The following NACC2 variants were observed in gnomAD, a reference collection of about 807,000 sequenced individuals.
The protein encoded by NACC2 is NACC family member 2, also known as nucleus accumbens-associated protein 2.
In NACC2, 8 loss-of-function variants were observed where a neutral mutation model predicts 25.1. The observed-to-expected ratio is 0.32, with a 90% CI of 0.19 to 0.57. The LOEUF is 0.57. Ranked by LOEUF, NACC2 falls within the 20% of genes least tolerant of loss-of-function variation. NACC2 has a pLI of 0.89. For synonymous variants in NACC2, 435 were observed against 294.7 expected (o/e 1.48, Z -4.88); for missense variants, 644 against 650.2 (o/e 0.99, Z 0.10).
chr9:136,012,052 G>A (rs1163577038), intron 5 of NACC2, 28 bp from the exon 6 acceptor site: 1 of 1,490,114 alleles, frequency 6.7e-7, no homozygotes, highest in South Asian at 1.3e-5. Flanking sequence ...CGTGAGCTCA[G>A]CCACCTGCCT....
chr9:136,091,312 C>G (rs570694565), intron 1 of NACC2, among the ~76,000 whole-genome samples: 1 of 152,238 alleles, frequency 6.6e-6, no homozygotes, highest in Non-Finnish European at 1.5e-5. Flanking sequence ...TGTAGCAGGA[C>G]GGCCTCAGGG....
chr9:136,040,480 A>G (rs1794357106), intron 2 of NACC2, among the ~76,000 whole-genome samples: 1 of 152,222 alleles, frequency 6.6e-6, no homozygotes, highest in African/African-American at 2.4e-5. Context: ...AAAAATATGT[A>G]ACATCAGCAA....
Position 136,049,903 on chromosome 9 carries a change from C to G in NACC2, c.619G>C (p.Ala207Pro), listed in dbSNP as rs1369373674. 1.7e-6 allele frequency: 1 copy of G among 580,430 alleles called. No individual in the cohort carries two copies. Among genetic ancestry groups the G allele is most frequent in the South Asian group, 2.0e-5 (1 of 49,922 alleles). 36.0% of individuals were successfully genotyped at this position (580,430 alleles called of 1,614,324 possible). A position where few individuals can be genotyped will look rare whatever the true frequency, so the allele number is the denominator to read the frequency against. ...PRDGVAVAAG[A>P]AVAAGTAPLK... ...GGGGCTGTGCCCGCCGCCACCGCAG[C>G]CCCCGCGGCCACCGCCACGCCGTCC... The change falls in exon 2 of 6, where the codon GCT (alanine) becomes CCT (proline). Residue 207 changes from alanine (A) to proline (P), a missense_variant. Coordinates refer to ENST00000277554, the MANE Select transcript of NACC2 (RefSeq NM_144653.5).
intron 1 of NACC2, among the ~76,000 whole-genome samples, 161 bp downstream of exon 1, chr9:136,095,028 G>A (rs1362185866): frequency 1.4e-5 from 2 of 145,976 alleles, no homozygotes; most frequent in Non-Finnish European, 3.0e-5. Flanking sequence ...GGGCCGGCGC[G>A]GAACTCGGCC....
intron 1 of NACC2, among the ~76,000 whole-genome samples, chr9:136,088,215 A>G (rs1161747512): frequency 1.3e-5 from 2 of 152,124 alleles, no homozygotes; most frequent in Non-Finnish European, 2.9e-5. Flanking sequence ...GCTCCCTTCC[A>G]GTGGGACGGA....
Position 136,095,261 on chromosome 9 carries a change from C to A in NACC2, c.-132G>T. ...CCGCGGCAGGAAGTGCTTGGCGTCC[C>A]GGCGCTCCGGCTCCCATGGACTTTC... On this transcript the variant is annotated 5_prime_UTR_variant, in exon 1 of 6. Transcript: ENST00000277554. 1 of 147,628 alleles carries A rather than the reference C, an allele frequency of 6.8e-6. No individual in the cohort carries two copies. Among genetic ancestry groups the A allele is most frequent in the South Asian group, 2.1e-4 (1 of 4,830 alleles). The allele number at this position is 147,628 out of a possible 1,614,324, so 9.1% of individuals were successfully genotyped here.
chr9:136,069,092 G>A (rs980293445), intron 1 of NACC2, among the ~76,000 whole-genome samples: 1 of 151,310 alleles, frequency 6.6e-6, no homozygotes, highest in Non-Finnish European at 1.5e-5. Context: ...ATTTTTAGTA[G>A]AGACGGGGTT....
At chr9:136,090,799 GCC>G (rs761994754) in intron 1 of NACC2, among the ~76,000 whole-genome samples, 18 of 152,278 alleles carry the variant, frequency 1.2e-4, no homozygotes, top group Non-Finnish European at 2.4e-4. Flanking sequence ...GGGCCGGGCT[GCC>G]CTCGGGGCCC....
chr9:136,013,575 G>A lies in NACC2; in HGVS notation c.1158-279C>T, dbSNP rs996113569. Among the ~76,000 whole-genome samples the A allele has an allele frequency of 4.6e-5, 7 of 152,184 alleles. No individual in the cohort carries two copies. Among genetic ancestry groups the A allele is most frequent in the African/African-American group, 1.4e-4 (6 of 41,438 alleles). ...CGTCTGAGGAAGCCGCTGTGTCCTC[G>A]GGAAGGGTTCTGTTGGCCCATCAGC... On this transcript the variant is annotated intron_variant, in intron 4 of 5. Coordinates refer to ENST00000277554, the MANE Select transcript of NACC2 (RefSeq NM_144653.5). The surrounding 1 kb of genome is among the most constrained non-coding windows in gnomAD (Gnocchi z 6.6).
chr9:136,024,419 T>C (rs1395073805), intron 2 of NACC2, among the ~76,000 whole-genome samples: 1 of 137,988 alleles, frequency 7.2e-6, no homozygotes, highest in Admixed American at 7.3e-5. Context: ...TGTGTGTGTG[T>C]GAGGACAGAG....
intron 1 of NACC2, 132 bp downstream of exon 1, chr9:136,095,057 C>T (rs1040410474): frequency 1.4e-5 from 2 of 146,050 alleles, no homozygotes; most frequent in Non-Finnish European, 3.0e-5. Flanking sequence ...CCCGCGCGGC[C>T]GGCACTGCGG....
At chr9:136,028,110 A>G (rs1336043179) in intron 2 of NACC2, among the ~76,000 whole-genome samples, 1 of 151,966 alleles carries the variant, frequency 6.6e-6, no homozygotes, top group Non-Finnish European at 1.5e-5. Context: ...AAAATACAAA[A>G]ATTAACTGGG....
chr9:136,088,355 G>A (rs1447590636), intron 1 of NACC2, among the ~76,000 whole-genome samples: 1 of 152,122 alleles, frequency 6.6e-6, no homozygotes, highest in African/African-American at 2.4e-5. Flanking sequence ...CCCACTCCCT[G>A]CCTCTCTCCC....
intron 1 of NACC2, among the ~76,000 whole-genome samples, chr9:136,091,429 A>G (rs1172587100): frequency 6.6e-6 from 1 of 152,188 alleles, no homozygotes; most frequent in Non-Finnish European, 1.5e-5. Flanking sequence ...ACCCAGGCCC[A>G]GCAAGCAGAC....
chr9:136,032,002 GTC>G (rs1840481931), intron 2 of NACC2, among the ~76,000 whole-genome samples: 1 of 147,780 alleles, frequency 6.8e-6, no homozygotes, highest in Non-Finnish European at 1.5e-5. Flanking sequence ...GGGGGCAAGG[GTC>G]GTCCTCGGCA....
intron 1 of NACC2, among the ~76,000 whole-genome samples, chr9:136,053,821 C>T (rs2131165784): frequency 6.6e-6 from 1 of 152,302 alleles, no homozygotes; most frequent in African/African-American, 2.4e-5. Flanking sequence ...AGGCAGAGGC[C>T]AGCACGGCGC....
In NACC2 at chr9:136,020,521, TGG is replaced by T. The variant is rs1840275750; in HGVS notation, c.887-4094_887-4093del. Among the ~76,000 whole-genome samples, 1 of 152,140 alleles carries T rather than the reference TGG, an allele frequency of 6.6e-6. No homozygotes were observed. On this transcript the variant is annotated intron_variant, in intron 2 of 5. Transcript: ENST00000277554. The surrounding 1 kb of genome is among the most constrained non-coding windows in gnomAD (Gnocchi z 4.7). ...AGTGGCGAGTGGTAGGGCCGCCTGG[TGG>T]AGCCCAGCAGAGCCTCGGCGGGGGT... is the stretch of plus-strand genomic sequence containing the variant.
chr9:136,026,066 G>A (rs897542892), intron 2 of NACC2, among the ~76,000 whole-genome samples: 3 of 152,048 alleles, frequency 2.0e-5, no homozygotes, highest in Admixed American at 6.6e-5. Context: ...TAGGCCAGGC[G>A]TGGTGGCTCA....
chr9:136,030,428 T>C (rs1840456804), intron 2 of NACC2, among the ~76,000 whole-genome samples: 2 of 151,706 alleles, frequency 1.3e-5, no homozygotes, highest in South Asian at 4.2e-4. Context: ...GTGAACACAG[T>C]GAAACCCCAT....
Sources: gnomAD v4.1 joint callset for allele counts (sites outside exome capture counted in the v4.1 genomes callset) on GRCh38, gnomAD v4.1.1 for gene constraint, Gnocchi (gnomAD v3.1) non-coding constraint, MANE v1.5 for transcripts, NCBI Gene and HGNC (gene_info 2026-07-23, HGNC 2026-07-21) for gene names.